Variants in DLEU7 observed in about 807,000 individuals in gnomAD.
DLEU7 encodes leukemia-associated protein 7.
DLEU7 carries 17 observed loss-of-function variants against 16.0 expected under a neutral mutation model. The ratio of observed to expected loss-of-function variants is 1.06; its 90% CI spans 0.73 to 1.59. The LOEUF (loss-of-function observed/expected upper bound fraction) is 1.59, where lower values mean the gene tolerates loss of function less well. Ranked by LOEUF, DLEU7 falls within the 40% of genes most tolerant of loss-of-function variation. The probability of loss-of-function intolerance (pLI) is 0.00; values close to 1 mark genes in which losing one functional copy is unlikely to be tolerated. For synonymous variants in DLEU7, 113 were observed against 139.8 expected (o/e 0.81, Z 1.35); for missense variants, 308 against 314.9 (o/e 0.98, Z 0.17).
At chr13:50,738,985 ACACACACACACACACACACG>A (rs1174166225) in intron 1 of DLEU7, among the ~76,000 whole-genome samples, 7 of 124,590 alleles carry the variant, frequency 5.6e-5, no homozygotes, top group Admixed American at 1.5e-4. Context: ...ACACACACAC[ACACACACACACACACACACG>A]CACACACACA....
chr13:50,711,730 T>G (rs1378187199), downstream of DLEU7: 1 of 148,116 alleles, frequency 6.8e-6, no homozygotes, highest in Non-Finnish European at 1.5e-5. Context: ...GCCAGGCATT[T>G]AACAAGTATT....
intron 1 of DLEU7, among the ~76,000 whole-genome samples, chr13:50,758,211 A>T (rs1874821167): frequency 6.6e-6 from 1 of 151,960 alleles, no homozygotes; most frequent in Non-Finnish European, 1.5e-5. Flanking sequence ...AACATGTTTA[A>T]TGGGGAAAAT....
chr13:50,763,143 T>C (rs1014727182), intron 1 of DLEU7, among the ~76,000 whole-genome samples: 1 of 151,702 alleles, frequency 6.6e-6, no homozygotes, highest in African/African-American at 2.4e-5. Flanking sequence ...TGCAGAGGGG[T>C]GTGAGATCAA....
chr13:50,820,715 T>G (rs1044977969), downstream of DLEU7, among the ~76,000 whole-genome samples: 19 of 152,100 alleles, frequency 1.2e-4, no homozygotes, highest in Non-Finnish European at 2.6e-4. Flanking sequence ...AATTATCTAG[T>G]GGATTTTCCA....
At chr13:50,747,632 T>C (rs1874440575) in intron 1 of DLEU7, among the ~76,000 whole-genome samples, 1 of 152,072 alleles carries the variant, frequency 6.6e-6, no homozygotes, top group Non-Finnish European at 1.5e-5. Flanking sequence ...ACTCATCTGA[T>C]GCCCCTCTAG....
Position 50,728,575 on chromosome 13 carries a change from T to C in DLEU7, c.460-15335A>G, listed in dbSNP as rs548310635. 2.6e-5 allele frequency among the ~76,000 whole-genome samples: 4 copies of C among 152,254 alleles called. No homozygotes were observed. The South Asian group carries it at 8.3e-4, about 32-fold the overall frequency. ...CCTATTTTTTTTTCAGCGAGGTTAATAGGACTAAATCTCCATGGGGAAGGG... is the reference window on the plus strand; with the variant it reads ...CCTATTTTTTTTTCAGCGAGGTTAACAGGACTAAATCTCCATGGGGAAGGG... On this transcript the variant is annotated intron_variant, in intron 1 of 1. Coordinates refer to the DLEU7 transcript ENST00000400393.
chr13:50,793,104 C>T (rs567937737), intron 1 of DLEU7, among the ~76,000 whole-genome samples: 1 of 152,196 alleles, frequency 6.6e-6, no homozygotes, highest in African/African-American at 2.4e-5. Context: ...TGTTTAGCTT[C>T]CGCTTACAAG....
intron 1 of DLEU7, among the ~76,000 whole-genome samples, chr13:50,796,420 A>G (rs7321531): frequency 0.42 from 63,615 of 152,006 alleles, 13,571 homozygotes; most frequent in African/African-American, 0.5. Flanking sequence ...CAAATCTGCT[A>G]GGCCAAGGGA....
At chr13:50,812,262 C>T (rs1472148173) in intron 1 of DLEU7, among the ~76,000 whole-genome samples, 1 of 152,038 alleles carries the variant, frequency 6.6e-6, no homozygotes, top group Non-Finnish European at 1.5e-5. Flanking sequence ...GAAGGGGCTG[C>T]AGGAGTGGAC....
At chr13:50,797,645 A>C (rs1470098515) in intron 1 of DLEU7, among the ~76,000 whole-genome samples, 1 of 152,188 alleles carries the variant, frequency 6.6e-6, no homozygotes, top group Non-Finnish European at 1.5e-5. Flanking sequence ...GTATATGAAA[A>C]GATTAAGGGT....
intron 1 of DLEU7, among the ~76,000 whole-genome samples, chr13:50,838,867 T>C (rs1394154614): frequency 6.6e-6 from 1 of 152,214 alleles, no homozygotes; most frequent in African/African-American, 2.4e-5. Context: ...TTGCACGCAC[T>C]GCGGACGGGC....
intron 1 of DLEU7, among the ~76,000 whole-genome samples, chr13:50,834,244 G>A (rs1877375368): frequency 1.3e-5 from 2 of 152,132 alleles, no homozygotes; most frequent in African/African-American, 4.8e-5. Context: ...TATCATCAGA[G>A]TGAACAGGCA....
intron 1 of DLEU7, among the ~76,000 whole-genome samples, chr13:50,800,890 A>G (rs1876228445): frequency 6.6e-6 from 1 of 152,142 alleles, no homozygotes; most frequent in African/African-American, 2.4e-5. Flanking sequence ...GTTTTGCAGC[A>G]TACAGTGCTA....
intron 1 of DLEU7, among the ~76,000 whole-genome samples, chr13:50,800,304 G>T (rs1876212879): frequency 6.6e-6 from 1 of 152,146 alleles, no homozygotes; most frequent in African/African-American, 2.4e-5. Flanking sequence ...TTGACTGAGT[G>T]TAAAAAATAG....
intron 1 of DLEU7, among the ~76,000 whole-genome samples, chr13:50,797,703 A>G (rs1876141819): frequency 6.6e-6 from 1 of 152,226 alleles, no homozygotes; most frequent in Non-Finnish European, 1.5e-5. Context: ...AAATGGACAG[A>G]GATGCAGATT....
intron 1 of DLEU7, chr13:50,715,560 C>G (rs1873417703): frequency 6.6e-6 from 1 of 152,152 alleles, no homozygotes; most frequent in Non-Finnish European, 1.5e-5. Flanking sequence ...ACTCAGGGAA[C>G]GGAACTGGGC....
chr13:50,838,141 G>T (rs1877532645), intron 1 of DLEU7, among the ~76,000 whole-genome samples: 1 of 152,166 alleles, frequency 6.6e-6, no homozygotes, highest in African/African-American at 2.4e-5. Flanking sequence ...CATACTTGCA[G>T]TTTGCAATGA....
chr13:50,761,306 T>C (rs371571629), intron 1 of DLEU7, among the ~76,000 whole-genome samples: 1 of 152,140 alleles, frequency 6.6e-6, no homozygotes, highest in South Asian at 2.1e-4. Flanking sequence ...CAGCAGTGGT[T>C]TGTCAAAAGA....
chr13:50,834,260 C>A (rs781421187), intron 1 of DLEU7, among the ~76,000 whole-genome samples: 1 of 152,006 alleles, frequency 6.6e-6, no homozygotes, highest in Non-Finnish European at 1.5e-5. Context: ...AGGCAACCTA[C>A]AAATGGGAGA....
Sources: allele counts gnomAD v4.1 joint callset (sites outside exome capture counted in the v4.1 genomes callset), GRCh38; gene constraint gnomAD v4.1.1; transcripts MANE v1.5; gene names NCBI Gene and HGNC (gene_info 2026-07-23, HGNC 2026-07-21).